Variants in CAMSAP2 observed in about 807,000 individuals in gnomAD.
CAMSAP2 encodes the protein calmodulin-regulated spectrin-associated protein 2.
A neutral mutation model predicts 146.1 loss-of-function variants in CAMSAP2; 26 were observed. The observed-to-expected ratio is 0.18, with a 90% CI of 0.13 to 0.25. CAMSAP2 has a LOEUF of 0.25. Ranked by LOEUF, CAMSAP2 falls within the 10% of genes least tolerant of loss-of-function variation. CAMSAP2 has a pLI of 1.00. For synonymous variants in CAMSAP2, 499 were observed against 596.6 expected (o/e 0.84, Z 2.38); for missense variants, 1,381 against 1,759.3 (o/e 0.78, Z 3.85).
chr1:200,809,891 C>A (rs1426558124), intron 3 of CAMSAP2, among the ~76,000 whole-genome samples: 1 of 152,118 alleles, frequency 6.6e-6, no homozygotes, highest in East Asian at 1.9e-4. Flanking sequence ...AGTCCTGAGG[C>A]AGCACAGGGC....
chr1:200,812,114 T>C (rs536810957), intron 3 of CAMSAP2, among the ~76,000 whole-genome samples: 1 of 152,314 alleles, frequency 6.6e-6, no homozygotes, highest in Non-Finnish European at 1.5e-5. Context: ...TCAGACTAAT[T>C]ACTTTTCTTA....
chr1:200,853,558 C>T lies in CAMSAP2; in HGVS notation c.3823+63C>T. On this transcript the variant is annotated intron_variant, in intron 13 of 16. Transcript: ENST00000358823. The surrounding 1 kb of genome is among the most constrained non-coding windows in gnomAD (Gnocchi z 5.1). The stretch of plus-strand genomic sequence containing the variant: ...ACACCAGCTTGATTGGTTTGTCATA[C>T]TAACTTGGTTGTACTTTGATGTGCA... 1 of 1,318,738 alleles carries T rather than the reference C, an allele frequency of 7.6e-7. No homozygotes were observed. 81.7% of individuals were successfully genotyped at this position (1,318,738 alleles called of 1,614,324 possible).
intron 1 of CAMSAP2, among the ~76,000 whole-genome samples, chr1:200,750,120 G>A (rs991579309): frequency 2.6e-5 from 4 of 152,092 alleles, no homozygotes; most frequent in South Asian, 4.2e-4. Flanking sequence ...GGTTTGGAGC[G>A]GGGAGCAGAG....
intron 4 of CAMSAP2, among the ~76,000 whole-genome samples, chr1:200,831,221 G>T (rs1214942620): frequency 6.6e-6 from 1 of 152,012 alleles, no homozygotes; most frequent in Non-Finnish European, 1.5e-5. Context: ...ATTTTACTTG[G>T]CTTTAGAAGA....
chr1:200,843,692 A>G (rs1667384722), intron 7 of CAMSAP2, among the ~76,000 whole-genome samples: 1 of 152,208 alleles, frequency 6.6e-6, no homozygotes, highest in Admixed American at 6.5e-5. Context: ...ATAAAAGTAT[A>G]CCAGCAGGTT....
At chr1:200,829,605 A>G (rs1666990400) in intron 4 of CAMSAP2, among the ~76,000 whole-genome samples, 1 of 151,934 alleles carries the variant, frequency 6.6e-6, no homozygotes, top group Non-Finnish European at 1.5e-5. Flanking sequence ...ACTATTTTAC[A>G]TCCTCGATAA....
chr1:200,761,182 A>AT, intron 2 of CAMSAP2, 84 bp downstream of exon 2: 2 of 1,265,450 alleles, frequency 1.6e-6, no homozygotes, highest in Non-Finnish European at 2.2e-6. Context: ...ACAGAGGGAA[A>AT]TGTTTTGAAA....
intron 3 of CAMSAP2, among the ~76,000 whole-genome samples, chr1:200,811,077 A>C (rs890580163): frequency 1.3e-5 from 2 of 152,206 alleles, no homozygotes; most frequent in Admixed American, 6.5e-5. Flanking sequence ...GAGTTGGTCA[A>C]AAAGGCAAAT....
chr1:200,831,123 A>C (rs944578601), intron 4 of CAMSAP2, among the ~76,000 whole-genome samples: 2 of 152,244 alleles, frequency 1.3e-5, no homozygotes, highest in African/African-American at 4.8e-5. Flanking sequence ...AAATAGTTTG[A>C]TAACCTTAAA....
At chr1:200,836,463 G>A (rs1490548009) in intron 6 of CAMSAP2, among the ~76,000 whole-genome samples, 1 of 152,110 alleles carries the variant, frequency 6.6e-6, no homozygotes, top group African/African-American at 2.4e-5. Context: ...TAGTGTATAT[G>A]TACCCCATTT....
chr1:200,834,529 C>T (rs6659127), intron 6 of CAMSAP2, among the ~76,000 whole-genome samples: 47,791 of 151,990 alleles, frequency 0.31, 8,547 homozygotes, highest in East Asian at 0.53. Flanking sequence ...TAGTGTTGTA[C>T]TTTATGTGAG....
At chr1:200,756,454 A>G (rs1482420921) in intron 1 of CAMSAP2, among the ~76,000 whole-genome samples, 1 of 152,064 alleles carries the variant, frequency 6.6e-6, no homozygotes, top group Non-Finnish European at 1.5e-5. Context: ...CTCTTTCTCA[A>G]AGAAAAAAAG....
At chr1:200,835,058 C>CA (rs1240079492) in intron 6 of CAMSAP2, among the ~76,000 whole-genome samples, 1 of 152,194 alleles carries the variant, frequency 6.6e-6, no homozygotes, top group East Asian at 1.9e-4. Context: ...TAAACACAGG[C>CA]AACCCCCATG....
chr1:200,816,923 TACAC>T lies in CAMSAP2; in HGVS notation c.645+1286_645+1289del, dbSNP rs199943688. Among the ~76,000 whole-genome samples, 10 of 62,354 alleles carry T rather than the reference TACAC, an allele frequency of 1.6e-4. 4 individuals carry two copies. Among genetic ancestry groups the T allele is most frequent in the African/African-American group, 6.4e-4 (10 of 15,710 alleles). The allele number at this position is 62,354 out of a possible 152,430, so 40.9% of individuals were successfully genotyped here. ...ACACACACACGCGTGTGTATGTGTGTACACACACACGCGTGTGTATGTGTGTACA... is the reference window on the plus strand; with the variant it reads ...ACACACACACGCGTGTGTATGTGTGTACACACGCGTGTGTATGTGTGTACA... On this transcript the variant is annotated intron_variant, in intron 4 of 16. Coordinates refer to ENST00000358823, the MANE Select transcript of CAMSAP2 (RefSeq NM_203459.4).
intron 2 of CAMSAP2, among the ~76,000 whole-genome samples, chr1:200,766,704 T>G (rs760903736): frequency 1.3e-5 from 2 of 152,208 alleles, no homozygotes; most frequent in Non-Finnish European, 2.9e-5. Context: ...GATAACAGGA[T>G]AAATCCTATG....
intron 3 of CAMSAP2, among the ~76,000 whole-genome samples, chr1:200,814,147 C>CGGGGGGGGG (rs1316609882): frequency 6.3e-4 from 2 of 3,166 alleles, no homozygotes; most frequent in Admixed American, 7.1e-3. Flanking sequence ...GAGGGGTGGG[C>CGGGGGGGGG]GGGTGGGGAA....
chr1:200,739,466 C>T lies in CAMSAP2; in HGVS notation c.-362C>T, dbSNP rs1664080366. ...TCCGGGCCCTTCCAGCCTCCACCCT[C>T]CCCCAAGCCCGTGTGACTAAACCGA... On this transcript the variant is annotated 5_prime_UTR_variant, in exon 1 of 17. Transcript: ENST00000358823. This position sits in a 1 kb window ranked among gnomAD's most constrained non-coding sequence, Gnocchi z 4.8. 1 of 154,084 alleles carries T rather than the reference C, an allele frequency of 6.5e-6. No homozygotes were observed. The highest frequency in any genetic ancestry group is 1.4e-5 in the Non-Finnish European group (1 of 69,430). 9.5% of individuals were successfully genotyped at this position (154,084 alleles called of 1,614,324 possible).
intron 3 of CAMSAP2, among the ~76,000 whole-genome samples, chr1:200,810,042 G>A: frequency 6.6e-6 from 1 of 152,220 alleles, no homozygotes; most frequent in East Asian, 1.9e-4. Flanking sequence ...CCACCTTTCA[G>A]TACTGCCACA....
chr1:200,843,130 C>T (rs1667369866), intron 7 of CAMSAP2, among the ~76,000 whole-genome samples: 1 of 152,110 alleles, frequency 6.6e-6, no homozygotes, highest in South Asian at 2.1e-4. Flanking sequence ...CCCAACGCAA[C>T]ACATGATCAT....
Sources: allele counts gnomAD v4.1 joint callset (sites outside exome capture counted in the v4.1 genomes callset), GRCh38; gene constraint gnomAD v4.1.1; non-coding constraint Gnocchi (gnomAD v3.1); transcripts MANE v1.5; gene names NCBI Gene and HGNC (gene_info 2026-07-23, HGNC 2026-07-21).